Variants in TEAD1 observed in about 807,000 individuals in gnomAD.
The protein encoded by TEAD1 is TEA domain transcription factor 1, also known as transcriptional enhancer factor TEF-1.
TEAD1 carries 9 observed loss-of-function variants against 54.9 expected under a neutral mutation model. The ratio of observed to expected loss-of-function variants is 0.16; its 90% CI spans 0.10 to 0.29. The LOEUF (loss-of-function observed/expected upper bound fraction) is 0.29. Ranked by LOEUF, TEAD1 falls within the 10% of genes least tolerant of loss-of-function variation. The pLI is 1.00. For synonymous variants in TEAD1, 200 were observed against 187.8 expected (o/e 1.07, Z -0.53); for missense variants, 387 against 535.9 (o/e 0.72, Z 2.74).
chr11:12,768,270 TTAGA>T (rs1182835358), intron 3 of TEAD1, among the ~76,000 whole-genome samples: 7 of 152,200 alleles, frequency 4.6e-5, no homozygotes, highest in Non-Finnish European at 7.3e-5. Flanking sequence ...AAAAGGAGGA[TTAGA>T]TAGATCTTAC....
In TEAD1 at chr11:12,943,026, T is replaced by A. The variant is rs1949175309; in HGVS notation, c.*5804T>A. Reference sequence around the variant, plus strand: ...AAGATTTTCTTTGCTAATATAGATGTAAAAATAACATCAGACATCTTTGAA... The same window carrying A: ...AAGATTTTCTTTGCTAATATAGATGAAAAAATAACATCAGACATCTTTGAA... On this transcript the variant is annotated 3_prime_UTR_variant, in exon 13 of 13. Coordinates refer to ENST00000527636, the MANE Select transcript of TEAD1 (RefSeq NM_021961.6). 1 of 152,186 alleles carries A rather than the reference T, an allele frequency of 6.6e-6. No individual in the cohort carries two copies. The highest frequency in any genetic ancestry group is 2.1e-4 in the South Asian group (1 of 4,832). The allele number at this position is 152,186 out of a possible 1,614,324, so 9.4% of individuals were successfully genotyped here. A position where few individuals can be genotyped will look rare whatever the true frequency, so the allele number is the denominator to read the frequency against.
At chr11:12,828,389 T>C (rs369664613) in intron 3 of TEAD1, 12 of 152,226 alleles carry the variant, frequency 7.9e-5, no homozygotes, top group African/African-American at 2.4e-4. Context: ...CAGCAGACAT[T>C]CGAGTCAATT....
chr11:12,870,487 A>T (rs1018310509), intron 5 of TEAD1, among the ~76,000 whole-genome samples: 2 of 151,932 alleles, frequency 1.3e-5, no homozygotes, highest in African/African-American at 4.8e-5. Flanking sequence ...AAAAAAAAAA[A>T]GGCATTTGTG....
intron 2 of TEAD1, among the ~76,000 whole-genome samples, chr11:12,711,842 T>C (rs1943945610): frequency 6.6e-6 from 1 of 152,204 alleles, no homozygotes; most frequent in Admixed American, 6.5e-5. Flanking sequence ...CAGGAGGTTC[T>C]GCTCCTCTTA....
chr11:12,767,765 G>A (rs1278478793), intron 3 of TEAD1, among the ~76,000 whole-genome samples: 2 of 152,200 alleles, frequency 1.3e-5, no homozygotes, highest in African/African-American at 2.4e-5. Flanking sequence ...ATTACTAGAA[G>A]GGGTACGAGA....
At position 12,879,816 on chromosome 11, in the gene TEAD1, C is replaced by A; in HGVS notation, c.439C>A (p.Arg147Ser). 5 of 1,613,934 alleles carry A rather than the reference C, an allele frequency of 3.1e-6. No homozygotes were observed. The highest frequency in any genetic ancestry group is 4.2e-6 in the Non-Finnish European group (5 of 1,180,038). The stretch of plus-strand genomic sequence containing the variant: ...CAAGCTGGGGCTGCCTGGGATTCCA[C>A]GCCCGACCTTCCCAGGGGCGCCGGG... Residue 147 changes from arginine to serine, a missense_variant, in exon 6 of 13, where the codon CGC (arginine) becomes AGC (serine). Coordinates refer to ENST00000527636, the MANE Select transcript of TEAD1 (RefSeq NM_021961.6).
At chr11:12,872,611 A>G (rs989924874) in intron 5 of TEAD1, among the ~76,000 whole-genome samples, 2 of 152,258 alleles carry the variant, frequency 1.3e-5, no homozygotes, top group Non-Finnish European at 2.9e-5. Flanking sequence ...CTGAATATGT[A>G]GATAAAGATA....
At chr11:12,875,658 A>T (rs1018040058) in intron 5 of TEAD1, among the ~76,000 whole-genome samples, 9 of 152,226 alleles carry the variant, frequency 5.9e-5, no homozygotes, top group African/African-American at 2.2e-4. Context: ...ACTGGTATAG[A>T]CATTTTAGTC....
In TEAD1 at chr11:12,674,617, G is replaced by C. The variant is rs1943035128; in HGVS notation, c.-425G>C. 1 of 151,290 alleles carries C rather than the reference G, an allele frequency of 6.6e-6. No homozygotes were observed. The highest frequency in any genetic ancestry group is 2.4e-5 in the African/African-American group (1 of 41,192). 9.4% of individuals were successfully genotyped at this position (151,290 alleles called of 1,614,324 possible). A position where few individuals can be genotyped will look rare whatever the true frequency, so the allele number is the denominator to read the frequency against. ...GCCGCGTCCAGGCACAGGCCATGCA[G>C]TGACGCCCCCCCACCCCTCCACCTT... On this transcript the variant is annotated 5_prime_UTR_variant, in exon 1 of 13. Coordinates refer to ENST00000527636, the MANE Select transcript of TEAD1 (RefSeq NM_021961.6).
At chr11:12,749,415 G>A (rs948145637) in intron 2 of TEAD1, among the ~76,000 whole-genome samples, 2 of 152,180 alleles carry the variant, frequency 1.3e-5, no homozygotes, top group African/African-American at 2.4e-5. Flanking sequence ...CTGACACTCC[G>A]TCCACCTTTT....
chr11:12,806,620 A>G (rs117784083), intron 3 of TEAD1, among the ~76,000 whole-genome samples: 123 of 152,340 alleles, frequency 8.1e-4, no homozygotes, highest in Non-Finnish European at 1.6e-3. Context: ...TAAGGACTGT[A>G]CAGAATATGG....
At chr11:12,851,520 G>T (rs1008951862) in intron 3 of TEAD1, among the ~76,000 whole-genome samples, 1 of 152,230 alleles carries the variant, frequency 6.6e-6, no homozygotes, top group African/African-American at 2.4e-5. Context: ...ATGGCTGGGC[G>T]CAGTGGCTCA....
chr11:12,690,063 AC>A (rs1943422236), intron 2 of TEAD1, among the ~76,000 whole-genome samples: 2 of 151,728 alleles, frequency 1.3e-5, no homozygotes, highest in South Asian at 4.2e-4. Context: ...ACATAGTGAA[AC>A]CCCGTCTCTA....
At chr11:12,899,204 AGCGGTGCCTTCTGGAACTGGG>A (rs1378192182) in intron 9 of TEAD1, among the ~76,000 whole-genome samples, 2 of 152,190 alleles carry the variant, frequency 1.3e-5, no homozygotes, top group African/African-American at 2.4e-5. Context: ...AATGGACAGA[AGCGGTGCCTTCTGGAACTGGG>A]GCGGTCTGAG....
intron 2 of TEAD1, among the ~76,000 whole-genome samples, chr11:12,694,852 A>G (rs1477167764): frequency 6.6e-6 from 1 of 152,236 alleles, no homozygotes; most frequent in Non-Finnish European, 1.5e-5. Flanking sequence ...AAGTTCTGAT[A>G]GAAGTCTAAA....
At chr11:12,768,155 C>T (rs1945245199) in intron 3 of TEAD1, among the ~76,000 whole-genome samples, 1 of 152,182 alleles carries the variant, frequency 6.6e-6, no homozygotes, top group Non-Finnish European at 1.5e-5. Flanking sequence ...GTATATAACA[C>T]TTAACAGTCT....
intron 3 of TEAD1, among the ~76,000 whole-genome samples, chr11:12,814,823 G>C (rs1370935346): frequency 2.1e-5 from 2 of 97,384 alleles, no homozygotes; most frequent in African/African-American, 7.6e-5. Context: ...GTGTGTGTGT[G>C]TGTGTGTGTG....
intron 3 of TEAD1, among the ~76,000 whole-genome samples, chr11:12,776,763 A>ATTATTTTGGATAT (rs1945428279): frequency 1.5e-5 from 1 of 65,766 alleles, no homozygotes; most frequent in African/African-American, 7.8e-5. Context: ...GATATTTATT[A>ATTATTTTGGATAT]TTATTATTAT....
chr11:12,687,696 C>G (rs1358263502), intron 2 of TEAD1, among the ~76,000 whole-genome samples: 2 of 152,172 alleles, frequency 1.3e-5, no homozygotes, highest in African/African-American at 2.4e-5. Context: ...GCCCATTTTA[C>G]TCCCTCTTAC....
Sources: gnomAD v4.1 joint callset for allele counts (sites outside exome capture counted in the v4.1 genomes callset) on GRCh38, gnomAD v4.1.1 for gene constraint, MANE v1.5 for transcripts, NCBI Gene and HGNC (gene_info 2026-07-23, HGNC 2026-07-21) for gene names.